Variants in MOB3B observed in about 807,000 individuals in gnomAD.
The protein encoded by MOB3B is MOB kinase activator 3B.
In MOB3B, 7 loss-of-function variants were observed where a neutral mutation model predicts 18.7. The ratio of observed to expected loss-of-function variants is 0.37; its 90% CI spans 0.21 to 0.70. The LOEUF (loss-of-function observed/expected upper bound fraction) is 0.70. Among genes scored for constraint, MOB3B ranks in the 30% least tolerant of loss-of-function variants. The pLI is 0.52. For missense variants in MOB3B, 253 were observed against 281.3 expected, an observed-to-expected ratio of 0.90 and a Z score of 0.72; for synonymous variants, 111 against 99.9, an observed-to-expected ratio of 1.11 and a Z score of -0.66.
intron 3 of MOB3B, among the ~76,000 whole-genome samples, chr9:27,337,226 G>C (rs1297982369): frequency 6.6e-6 from 1 of 152,274 alleles, no homozygotes; most frequent in African/African-American, 2.4e-5. Flanking sequence ...TCTAGGGGTA[G>C]AGGCCAGGTC....
At chr9:27,497,842 C>T (rs1002309274) in intron 1 of MOB3B, among the ~76,000 whole-genome samples, 5 of 152,180 alleles carry the variant, frequency 3.3e-5, no homozygotes, top group African/African-American at 1.2e-4. Context: ...CCAGTAGATT[C>T]TCTACCAACT....
At chr9:27,439,393 C>CCATA (rs1205638745) in intron 2 of MOB3B, among the ~76,000 whole-genome samples, 1 of 152,094 alleles carries the variant, frequency 6.6e-6, no homozygotes, top group Non-Finnish European at 1.5e-5. Context: ...AAAAGACATA[C>CCATA]CATACATACA....
chr9:27,349,041 A>G (rs1040259698), intron 3 of MOB3B, among the ~76,000 whole-genome samples: 2 of 145,656 alleles, frequency 1.4e-5, no homozygotes, highest in Non-Finnish European at 2.9e-5. Flanking sequence ...AGCTATCTGC[A>G]TATCTCTTTC....
chr9:27,387,981 T>C (rs1377219533), intron 2 of MOB3B, among the ~76,000 whole-genome samples: 1 of 152,052 alleles, frequency 6.6e-6, no homozygotes, highest in East Asian at 1.9e-4. Flanking sequence ...TGAAGGCATT[T>C]TTGCTTGTCA....
chr9:27,463,533 C>T (rs373811969), intron 1 of MOB3B, among the ~76,000 whole-genome samples: 11 of 152,132 alleles, frequency 7.2e-5, no homozygotes, highest in Non-Finnish European at 1.6e-4. Context: ...TGTCATGTGC[C>T]ACTCCAGAAG....
At chr9:27,390,352 G>A (rs956199146) in intron 2 of MOB3B, among the ~76,000 whole-genome samples, 20 of 152,274 alleles carry the variant, frequency 1.3e-4, no homozygotes, top group African/African-American at 3.9e-4. Context: ...ACAGGCACCC[G>A]CCACAACTGT....
intron 2 of MOB3B, among the ~76,000 whole-genome samples, chr9:27,368,448 C>T (rs566637997): frequency 4.3e-4 from 66 of 151,806 alleles, no homozygotes; most frequent in African/African-American, 1.6e-3. Context: ...AATTCAGCTG[C>T]GAGGATTGAT....
intron 2 of MOB3B, among the ~76,000 whole-genome samples, chr9:27,422,534 T>C (rs567293716): frequency 1.3e-5 from 2 of 152,360 alleles, no homozygotes; most frequent in African/African-American, 2.4e-5. Context: ...TTAATCAAGA[T>C]AGCTGAAGAC....
Position 27,325,424 on chromosome 9 carries a change from A to C in MOB3B, c.*5163T>G, listed in dbSNP as rs2131323049. ...TAAAAAAGATACAGGAAAATTCTGAAATCAGATCACTATAAGCTAGTAAAA... is the reference window on the plus strand; with the variant it reads ...TAAAAAAGATACAGGAAAATTCTGACATCAGATCACTATAAGCTAGTAAAA... On this transcript the variant is annotated 3_prime_UTR_variant, in exon 4 of 4. Transcript: ENST00000262244. 1 of 152,346 alleles carries C rather than the reference A, an allele frequency of 6.6e-6. No individual in the cohort carries two copies. Among genetic ancestry groups the C allele is most frequent in the Non-Finnish European group, 1.5e-5 (1 of 68,034 alleles). The allele number at this position is 152,346 out of a possible 1,614,324, so 9.4% of individuals were successfully genotyped here.
chr9:27,504,655 C>G (rs866982877), intron 1 of MOB3B, among the ~76,000 whole-genome samples: 1 of 152,182 alleles, frequency 6.6e-6, no homozygotes, highest in South Asian at 2.1e-4. Flanking sequence ...TGAACAGGAG[C>G]AGGGCCTTAG....
intron 1 of MOB3B, among the ~76,000 whole-genome samples, chr9:27,522,268 A>AAAAAAAAAAAAAAAAAAAAAAAAAT (rs1563889769): frequency 7.6e-6 from 1 of 130,814 alleles, no homozygotes; most frequent in Non-Finnish European, 1.6e-5. Flanking sequence ...AAAAAAAAAG[A>AAAAAAAAAAAAAAAAAAAAAAAAAT]AAAGAAAGAA....
intron 3 of MOB3B, among the ~76,000 whole-genome samples, chr9:27,349,662 T>C (rs1821077886): frequency 6.6e-6 from 1 of 152,126 alleles, no homozygotes; most frequent in African/African-American, 2.4e-5. Context: ...AAAAGTACAA[T>C]TACTATTTGG....
chr9:27,493,891 C>T (rs972888921), intron 1 of MOB3B, among the ~76,000 whole-genome samples: 3 of 152,206 alleles, frequency 2.0e-5, no homozygotes, highest in Non-Finnish European at 2.9e-5. Flanking sequence ...TAACCTTAAA[C>T]TCTGACCACC....
chr9:27,444,162 G>GGAAGGAAGGAAA (rs1021833992), intron 2 of MOB3B, among the ~76,000 whole-genome samples: 10 of 144,402 alleles, frequency 6.9e-5, no homozygotes, highest in African/African-American at 2.6e-4. Context: ...AAAGAAGGAA[G>GGAAGGAAGGAAA]GAAGGAAGGA....
chr9:27,454,287 T>C (rs1283510723), intron 2 of MOB3B, among the ~76,000 whole-genome samples: 1 of 152,210 alleles, frequency 6.6e-6, no homozygotes, highest in African/African-American at 2.4e-5. Context: ...TACTTTCTAA[T>C]AGCACAAGTA....
At chr9:27,493,897 C>G (rs1473877527) in intron 1 of MOB3B, among the ~76,000 whole-genome samples, 1 of 152,206 alleles carries the variant, frequency 6.6e-6, no homozygotes, top group Admixed American at 6.5e-5. Flanking sequence ...TAAACTCTGA[C>G]CACCGGTGAG....
intron 1 of MOB3B, among the ~76,000 whole-genome samples, chr9:27,474,905 G>A (rs1377051124): frequency 6.6e-6 from 1 of 152,186 alleles, no homozygotes; most frequent in African/African-American, 2.4e-5. Context: ...GATTTCTAAG[G>A]TGGCTCCTAG....
chr9:27,377,485 C>T (rs567790924), intron 2 of MOB3B, among the ~76,000 whole-genome samples: 1 of 152,238 alleles, frequency 6.6e-6, no homozygotes, highest in East Asian at 1.9e-4. Flanking sequence ...GGGAGGGGAC[C>T]ACCCTTCTAA....
intron 3 of MOB3B, among the ~76,000 whole-genome samples, chr9:27,340,973 T>C (rs1484945962): frequency 6.6e-6 from 1 of 152,196 alleles, no homozygotes; most frequent in Non-Finnish European, 1.5e-5. Context: ...GGTGACTGAG[T>C]GCACCCACCC....
Sources: allele counts gnomAD v4.1 joint callset (sites outside exome capture counted in the v4.1 genomes callset), GRCh38; gene constraint gnomAD v4.1.1; transcripts MANE v1.5; gene names NCBI Gene and HGNC (gene_info 2026-07-23, HGNC 2026-07-21).